GPC5: variants seen among roughly 807,000 people sequenced by gnomAD.
The protein encoded by GPC5 is glypican-5.
GPC5 carries 47 observed loss-of-function variants against 53.9 expected under a neutral mutation model. That is an observed-to-expected ratio of 0.87 (90% confidence interval 0.69 to 1.11). The LOEUF is 1.11. GPC5 is among the 50% of genes most tolerant of loss of function. The pLI, the probability that GPC5 is intolerant of heterozygous loss-of-function variation, is 0.00. For missense variants in GPC5, 748 were observed against 713.1 expected, an observed-to-expected ratio of 1.05 and a Z score of -0.56; for synonymous variants, 286 against 263.3, an observed-to-expected ratio of 1.09 and a Z score of -0.84.
chr13:91,533,541 G>A (rs972131919), intron 2 of GPC5, among the ~76,000 whole-genome samples: 7 of 152,084 alleles, frequency 4.6e-5, no homozygotes, highest in Non-Finnish European at 7.4e-5. Flanking sequence ...AGACAGTGGC[G>A]GGGAAGATAG....
chr13:91,466,321 C>T (rs1280562865), intron 2 of GPC5, among the ~76,000 whole-genome samples: 3 of 152,170 alleles, frequency 2.0e-5, no homozygotes, highest in African/African-American at 4.8e-5. Context: ...CTCATCTACT[C>T]TCCAAGGGGG....
chr13:91,990,800 G>A (rs546170673), intron 6 of GPC5, among the ~76,000 whole-genome samples: 1 of 152,164 alleles, frequency 6.6e-6, no homozygotes, highest in African/African-American at 2.4e-5. Context: ...TCCACTCTGG[G>A]TACATTTTAG....
chr13:92,513,510 TTCTC>T (rs1350774081), intron 7 of GPC5, among the ~76,000 whole-genome samples: 5 of 147,766 alleles, frequency 3.4e-5, no homozygotes, highest in African/African-American at 7.4e-5. Context: ...ACATCTTTCT[TTCTC>T]TCTCTCATTC....
chr13:92,130,310 T>C (rs2041732543), intron 6 of GPC5, among the ~76,000 whole-genome samples: 1 of 151,024 alleles, frequency 6.6e-6, no homozygotes, highest in Non-Finnish European at 1.5e-5. Context: ...GCTAGAAGCA[T>C]GCAATTAGAG....
intron 5 of GPC5, among the ~76,000 whole-genome samples, chr13:91,813,634 T>A (rs2038349917): frequency 6.6e-6 from 1 of 152,096 alleles, no homozygotes; most frequent in Non-Finnish European, 1.5e-5. Flanking sequence ...AGGAATGAAG[T>A]TTGCCGAGTA....
chr13:92,838,830 C>A (rs555677959), intron 7 of GPC5, among the ~76,000 whole-genome samples: 1 of 152,114 alleles, frequency 6.6e-6, no homozygotes, highest in African/African-American at 2.4e-5. Flanking sequence ...AAGAATTCAG[C>A]GATTACATTA....
intron 7 of GPC5, among the ~76,000 whole-genome samples, chr13:92,605,037 G>T (rs942256897): frequency 6.6e-6 from 1 of 152,152 alleles, no homozygotes; most frequent in African/African-American, 2.4e-5. Flanking sequence ...TCTCCCAGAC[G>T]AATTGCTGAA....
chr13:91,483,201 G>A lies in GPC5; in HGVS notation c.325+34279G>A, dbSNP rs566936759. ...TAGGAAGGCATCATAGTAGAGCCTG[G>A]TAAAGATAAAACGAGTTTTCCTCAA... On this transcript the variant is annotated intron_variant, in intron 2 of 7. Coordinates refer to ENST00000377067, the MANE Select transcript of GPC5 (RefSeq NM_004466.6). Among the ~76,000 whole-genome samples, 9 of 152,250 alleles carry A rather than the reference G, an allele frequency of 5.9e-5. No homozygotes were observed. The East Asian group carries it at 9.6e-4, about 16-fold the overall frequency.
intron 1 of GPC5, among the ~76,000 whole-genome samples, chr13:91,424,901 T>C (rs1193270628): frequency 6.6e-6 from 1 of 152,138 alleles, no homozygotes; most frequent in East Asian, 1.9e-4. Context: ...AAGGTACTAA[T>C]TAAAAATGTT....
At chr13:92,252,826 T>C (rs2042701702) in intron 7 of GPC5, among the ~76,000 whole-genome samples, 1 of 152,134 alleles carries the variant, frequency 6.6e-6, no homozygotes, top group Non-Finnish European at 1.5e-5. Flanking sequence ...CAATTACAAA[T>C]GTCATTTTCT....
intron 5 of GPC5, among the ~76,000 whole-genome samples, chr13:91,802,230 G>A (rs1209017863): frequency 6.6e-6 from 1 of 152,030 alleles, no homozygotes; most frequent in East Asian, 1.9e-4. Flanking sequence ...ATTCAAATGT[G>A]TCCGGAGTTT....
At chr13:92,204,769 CATT>C (rs910873682) in intron 7 of GPC5, among the ~76,000 whole-genome samples, 1 of 152,216 alleles carries the variant, frequency 6.6e-6, no homozygotes, top group African/African-American at 2.4e-5. Flanking sequence ...TTTCAGAACA[CATT>C]ACCCTCTGGC....
intron 7 of GPC5, among the ~76,000 whole-genome samples, chr13:92,714,451 T>G (rs1888257440): frequency 6.6e-6 from 1 of 152,188 alleles, no homozygotes; most frequent in African/African-American, 2.4e-5. Context: ...CTTTTCTGTT[T>G]TGTTTCATTA....
At chr13:91,477,342 G>T (rs1341005932) in intron 2 of GPC5, among the ~76,000 whole-genome samples, 3 of 152,050 alleles carry the variant, frequency 2.0e-5, no homozygotes, top group African/African-American at 7.2e-5. Context: ...TGTTTTCAGC[G>T]GTATTACTGG....
At chr13:92,623,106 C>CA (rs1281340362) in intron 7 of GPC5, among the ~76,000 whole-genome samples, 2 of 150,650 alleles carry the variant, frequency 1.3e-5, no homozygotes, top group Non-Finnish European at 2.9e-5. Context: ...GCGGGGGTTG[C>CA]AGTGAGCTGA....
intron 7 of GPC5, among the ~76,000 whole-genome samples, chr13:92,617,621 A>G (rs1566323138): frequency 6.6e-6 from 1 of 151,862 alleles, no homozygotes. Context: ...TGTATTTATG[A>G]TTTTTTTCTC....
At chr13:92,865,487 C>G (rs539197202) in intron 7 of GPC5, among the ~76,000 whole-genome samples, 1 of 152,204 alleles carries the variant, frequency 6.6e-6, no homozygotes, top group African/African-American at 2.4e-5. Flanking sequence ...AAAAGGGTGG[C>G]TGCCAGGGGA....
At chr13:91,908,171 G>T (rs1854735) in intron 6 of GPC5, 114 bp downstream of exon 6, 454,749 of 833,922 alleles carry the variant, frequency 0.55, 127,398 homozygotes, top group East Asian at 0.7. Flanking sequence ...CTAAAATATT[G>T]TAACACACTT....
At chr13:91,436,606 A>G (rs1879991886) in intron 1 of GPC5, among the ~76,000 whole-genome samples, 1 of 152,190 alleles carries the variant, frequency 6.6e-6, no homozygotes, top group Admixed American at 6.5e-5. Context: ...TTTACTTCCA[A>G]CTATGTGGTC....
Sources: gnomAD v4.1 joint callset for allele counts (sites outside exome capture counted in the v4.1 genomes callset) on GRCh38, gnomAD v4.1.1 for gene constraint, MANE v1.5 for transcripts, NCBI Gene and HGNC (gene_info 2026-07-23, HGNC 2026-07-21) for gene names.